OR6C74: variants seen among roughly 807,000 people sequenced by gnomAD.
The protein encoded by OR6C74 is olfactory receptor 6C74.
For synonymous variants in OR6C74, 142 were observed against 134.2 expected (o/e 1.06, Z -0.40); for missense variants, 361 against 362.9 (o/e 0.99, Z 0.04).
rs1954319000 is a variant in OR6C74, at chr12:55,252,688, C to CTTA, written c.*4462_*4463insTTA. ...TACTTTTTCCCATATTTTTAAAACACCATCTGTTTTGGAACAGAGTAAGGG... is the reference window on the plus strand; with the variant it reads ...TACTTTTTCCCATATTTTTAAAACACTTACATCTGTTTTGGAACAGAGTAAGGG... On this transcript the variant is annotated 3_prime_UTR_variant, in exon 2 of 2. Coordinates refer to ENST00000343399, the MANE Select transcript of OR6C74 (RefSeq NM_001005490.2). 6.6e-6 allele frequency among the ~76,000 whole-genome samples: 1 copy of CTTA among 151,768 alleles called. No individual in the cohort carries two copies. Among genetic ancestry groups the CTTA allele is most frequent in the South Asian group, 2.1e-4 (1 of 4,828 alleles).
At position 55,250,079 on chromosome 12, in the gene OR6C74, T is replaced by C. The variant is rs1215721092; in HGVS notation, c.*1853T>C. ...ACAAATAATTATACTTTATAGATAA[T>C]AACGACACTCAAGAAAAGTTGACTC... On this transcript the variant is annotated 3_prime_UTR_variant, in exon 2 of 2. Transcript: ENST00000343399. Among the ~76,000 whole-genome samples, 1 of 152,132 alleles carries C rather than the reference T, an allele frequency of 6.6e-6. No homozygotes were observed. Among genetic ancestry groups the C allele is most frequent in the African/African-American group, 2.4e-5 (1 of 41,442 alleles).
rs1954324789 is a variant in OR6C74, at chr12:55,253,635, T to C, written c.*5409T>C. On this transcript the variant is annotated 3_prime_UTR_variant, in exon 2 of 2. Coordinates refer to ENST00000343399, the MANE Select transcript of OR6C74 (RefSeq NM_001005490.2). ...CTTCCACTCTTATAAGTAAACACAC[T>C]GGCATTTTATAGTCATTGTAATTAA... Among the ~76,000 whole-genome samples the C allele has an allele frequency of 6.6e-6, 1 of 152,086 alleles. No individual in the cohort carries two copies. Among genetic ancestry groups the C allele is most frequent in the African/African-American group, 2.4e-5 (1 of 41,436 alleles).
At chr12:55,247,119 C>A in intron 1 of OR6C74, 160 bp from the exon 2 acceptor site, 1 of 492,048 alleles carries the variant, frequency 2.0e-6, no homozygotes, top group Non-Finnish European at 3.5e-6. Context: ...TATTTAGCAA[C>A]ATTTTGAGTA....
At position 55,244,799 on chromosome 12, in the gene OR6C74, T is replaced by A. The variant is rs1030619055; in HGVS notation, c.-28T>A. 1.6e-4 allele frequency among the ~76,000 whole-genome samples: 25 copies of A among 152,100 alleles called. No homozygotes were observed. Among genetic ancestry groups the A allele is most frequent in the African/African-American group, 5.8e-4 (24 of 41,524 alleles). The stretch of plus-strand genomic sequence containing the variant: ...GAGAACATCTTATTAATAAAAATCA[T>A]GAGAAGAAATGAACCTAGGTAAGAT... On this transcript the variant is annotated 5_prime_UTR_variant, in exon 1 of 2. An upstream start codon of the reference 5' UTR is lost. Coordinates refer to ENST00000343399, the MANE Select transcript of OR6C74 (RefSeq NM_001005490.2).
rs1339577119 is a variant in OR6C74, at chr12:55,250,549, T to C, written c.*2323T>C. The stretch of plus-strand genomic sequence containing the variant: ...AGATTAGTGAAGATCATTTTTTACT[T>C]AATTTGAAATAAATCACTAGCAATC... On this transcript the variant is annotated 3_prime_UTR_variant, in exon 2 of 2. Transcript: ENST00000343399. 1.3e-5 allele frequency among the ~76,000 whole-genome samples: 2 copies of C among 152,088 alleles called. No individual in the cohort carries two copies. The highest frequency in any genetic ancestry group is 4.8e-5 in the African/African-American group (2 of 41,428).
rs1385597484 is a variant in OR6C74, at chr12:55,249,292, G to A, written c.*1066G>A. 1.3e-5 allele frequency among the ~76,000 whole-genome samples: 2 copies of A among 152,208 alleles called. No individual in the cohort carries two copies. Among genetic ancestry groups the A allele is most frequent in the Admixed American group, 1.3e-4 (2 of 15,274 alleles). On this transcript the variant is annotated 3_prime_UTR_variant, in exon 2 of 2. Coordinates refer to ENST00000343399, the MANE Select transcript of OR6C74 (RefSeq NM_001005490.2). ...TTCCTTTCAATAGTACCCTATCTCA[G>A]TGTTATAAGACAAGAAAACTTTTTC...
rs1010041772 is a variant in OR6C74, at chr12:55,251,368, G to A, written c.*3142G>A. Among the ~76,000 whole-genome samples, 7 of 152,046 alleles carry A rather than the reference G, an allele frequency of 4.6e-5. No individual in the cohort carries two copies. Among genetic ancestry groups the A allele is most frequent in the African/African-American group, 1.7e-4 (7 of 41,436 alleles). ...CTAGATGGTGCTTATCATAGCACAT[G>A]TAATTAACTATATTTATTTCTTGCA... On this transcript the variant is annotated 3_prime_UTR_variant, in exon 2 of 2. Coordinates refer to ENST00000343399, the MANE Select transcript of OR6C74 (RefSeq NM_001005490.2).
Position 55,247,417 on chromosome 12 carries a change from A to C in OR6C74, c.130A>C (p.Ile44Leu), listed in dbSNP as rs1379329395. 1 of 1,613,452 alleles carries C rather than the reference A, an allele frequency of 6.2e-7. No homozygotes were observed. The highest frequency in any genetic ancestry group is 2.2e-5 in the East Asian group (1 of 44,862). ...MLSITGNLTIITLTLLDLHLK... is the reference protein window; with the variant it reads ...MLSITGNLTILTLTLLDLHLK... ...GAGCATCACTGGGAATCTAACCATC[A>C]TCACTCTCACCCTACTGGATTTGCA... Residue 44 changes from isoleucine (I) to leucine (L), a missense_variant, in exon 2 of 2, where the codon ATC (isoleucine) becomes CTC (leucine). Coordinates refer to ENST00000343399, the MANE Select transcript of OR6C74 (RefSeq NM_001005490.2).
In OR6C74 at chr12:55,251,113, A is replaced by G. The variant is rs937870303; in HGVS notation, c.*2887A>G. Reference sequence around the variant, plus strand: ...CCTGGCCTGTCCAGTTTGGTTTCTTATCTCTTCCAACTAGTACTTCTATGA... The same window carrying G: ...CCTGGCCTGTCCAGTTTGGTTTCTTGTCTCTTCCAACTAGTACTTCTATGA... On this transcript the variant is annotated 3_prime_UTR_variant, in exon 2 of 2. Coordinates refer to ENST00000343399, the MANE Select transcript of OR6C74 (RefSeq NM_001005490.2). Among the ~76,000 whole-genome samples, 1 of 152,072 alleles carries G rather than the reference A, an allele frequency of 6.6e-6. No homozygotes were observed. The highest frequency in any genetic ancestry group is 1.5e-5 in the Non-Finnish European group (1 of 67,974).
At chr12:55,246,519 T>A (rs1435040905) in intron 1 of OR6C74, among the ~76,000 whole-genome samples, 7 of 152,278 alleles carry the variant, frequency 4.6e-5, no homozygotes, top group African/African-American at 1.7e-4. Context: ...ATTTTATTTT[T>A]AAATAGTTTG....
Position 55,249,208 on chromosome 12 carries a change from T to C in OR6C74, c.*982T>C, listed in dbSNP as rs1954296349. On this transcript the variant is annotated 3_prime_UTR_variant, in exon 2 of 2. Coordinates refer to ENST00000343399, the MANE Select transcript of OR6C74 (RefSeq NM_001005490.2). ...AGAGTACCTTATTTTTCAAATTAAG[T>C]GGTTTGAACATTAAAATTAGATATA... 6.6e-6 allele frequency among the ~76,000 whole-genome samples: 1 copy of C among 152,088 alleles called. No homozygotes were observed. Among genetic ancestry groups the C allele is most frequent in the African/African-American group, 2.4e-5 (1 of 41,430 alleles).
chr12:55,247,454 C>T lies in OR6C74; in HGVS notation c.167C>T (p.Pro56Leu). The part of the protein sequence containing the change: ...LTLLDLHLKT[P>L]MYFFLRNFSF... ...CTACTGGATTTGCATCTCAAGACAC[C>T]CATGTATTTCTTCCTCCGAAATTTC... is the stretch of plus-strand genomic sequence containing the variant. Residue 56 changes from proline to leucine, a missense_variant, in exon 2 of 2, where the codon CCC (proline) becomes CTC (leucine). By Grantham distance (98) the Pro-to-Leu change is moderately conservative. Coordinates refer to ENST00000343399, the MANE Select transcript of OR6C74 (RefSeq NM_001005490.2). The T allele has an allele frequency of 1.2e-6, 2 of 1,613,792 alleles. No individual in the cohort carries two copies. Among genetic ancestry groups the T allele is most frequent in the Non-Finnish European group, 1.7e-6 (2 of 1,179,824 alleles).
rs1235924943 is a variant in OR6C74 at position 55,252,010 on chromosome 12, A to C, written c.*3784A>C. Among the ~76,000 whole-genome samples, 2 of 151,630 alleles carry C rather than the reference A, an allele frequency of 1.3e-5. No individual in the cohort carries two copies. The highest frequency in any genetic ancestry group is 3.0e-5 in the Non-Finnish European group (2 of 67,746). Reference sequence around the variant, plus strand: ...TTTATCAAACATTCAATTAGTAAATATATGTATATTTTTCATGGTACATGC... The same window carrying C: ...TTTATCAAACATTCAATTAGTAAATCTATGTATATTTTTCATGGTACATGC... On this transcript the variant is annotated 3_prime_UTR_variant, in exon 2 of 2. Transcript: ENST00000343399.
In OR6C74 at chr12:55,252,255, G is replaced by A. The variant is rs576223692; in HGVS notation, c.*4029G>A. ...ACTTGCAAATACTTATGTAATTATTGTGTGAAATGAACTGCAAGTCTTATT... is the reference window on the plus strand; with the variant it reads ...ACTTGCAAATACTTATGTAATTATTATGTGAAATGAACTGCAAGTCTTATT... On this transcript the variant is annotated 3_prime_UTR_variant, in exon 2 of 2. Transcript: ENST00000343399. Among the ~76,000 whole-genome samples the A allele has an allele frequency of 6.6e-6, 1 of 151,396 alleles. No individual in the cohort carries two copies.
chr12:55,248,877 G>A lies in OR6C74; in HGVS notation c.*651G>A, dbSNP rs1043733080. ...ATTGATTGCTTACAATGTGCCAGAT[G>A]TTATTAAATTTATTAGTTCCATCTT... is the stretch of plus-strand genomic sequence containing the variant. On this transcript the variant is annotated 3_prime_UTR_variant, in exon 2 of 2. Coordinates refer to ENST00000343399, the MANE Select transcript of OR6C74 (RefSeq NM_001005490.2). Among the ~76,000 whole-genome samples, 5 of 152,142 alleles carry A rather than the reference G, an allele frequency of 3.3e-5. No individual in the cohort carries two copies. The highest frequency in any genetic ancestry group is 1.2e-4 in the African/African-American group (5 of 41,438).
chr12:55,247,592 C>G lies in OR6C74; in HGVS notation c.305C>G (p.Thr102Ser), dbSNP rs1304680201. The G allele has an allele frequency of 6.2e-7, 1 of 1,613,700 alleles. No homozygotes were observed. The highest frequency in any genetic ancestry group is 1.3e-5 in the African/African-American group (1 of 74,892). ...GATTGTGCAGCACAGCTGTTTTTCA[C>G]TATTCTCTTGGGGGCAACTGAATTT... Reference protein sequence around the residue: ...YNDCAAQLFFTILLGATEFFL... With the variant: ...YNDCAAQLFFSILLGATEFFL... Residue 102 changes from threonine (T) to serine (S), a missense_variant, in exon 2 of 2, where the codon ACT becomes AGT. By Grantham distance (58) the Thr-to-Ser change is moderately conservative. Coordinates refer to ENST00000343399, the MANE Select transcript of OR6C74 (RefSeq NM_001005490.2).
chr12:55,245,507 C>G (rs531912257), intron 1 of OR6C74, among the ~76,000 whole-genome samples: 2 of 152,052 alleles, frequency 1.3e-5, no homozygotes, highest in African/African-American at 4.8e-5. Flanking sequence ...CCAAAGGAAT[C>G]TATCTTACCT....
At position 55,254,166 on chromosome 12, in the gene OR6C74, C is replaced by T. The variant is rs1265338616; in HGVS notation, c.*5940C>T. 6.6e-6 allele frequency among the ~76,000 whole-genome samples: 1 copy of T among 152,090 alleles called. No individual in the cohort carries two copies. The highest frequency in any genetic ancestry group is 1.5e-5 in the Non-Finnish European group (1 of 67,998). Reference sequence around the variant, plus strand: ...ATCAGGGAGTTCATTTTAACAAAAGCATCTTCCATCTTCATTTCAAACCAG... The same window carrying T: ...ATCAGGGAGTTCATTTTAACAAAAGTATCTTCCATCTTCATTTCAAACCAG... On this transcript the variant is annotated 3_prime_UTR_variant, in exon 2 of 2. Coordinates refer to ENST00000343399, the MANE Select transcript of OR6C74 (RefSeq NM_001005490.2).
intron 1 of OR6C74, among the ~76,000 whole-genome samples, chr12:55,245,675 CTTG>C (rs765725916): frequency 7.2e-5 from 11 of 151,964 alleles, no homozygotes; most frequent in Non-Finnish European, 1.3e-4. Flanking sequence ...TGCTGTTTTG[CTTG>C]TTATTTTTAT....
Sources: gnomAD v4.1 joint callset for allele counts (sites outside exome capture counted in the v4.1 genomes callset) on GRCh38, gnomAD v4.1.1 for gene constraint, MANE v1.5 for transcripts, NCBI Gene and HGNC (gene_info 2026-07-23, HGNC 2026-07-21) for gene names.